The following SERPING1 variants were observed in gnomAD, a reference collection of about 807,000 sequenced individuals.
The protein encoded by SERPING1 is plasma protease C1 inhibitor.
Under a neutral mutation model 34.1 loss-of-function variants are expected in SERPING1, and 5 were observed. The ratio of observed to expected loss-of-function variants is 0.15; its 90% CI spans 0.08 to 0.31. The LOEUF (loss-of-function observed/expected upper bound fraction) is 0.31. Ranked by LOEUF, SERPING1 falls within the 10% of genes least tolerant of loss-of-function variation. The pLI is 1.00. For synonymous variants in SERPING1, 225 were observed against 242.4 expected (o/e 0.93, Z 0.67); for missense variants, 505 against 609.5 (o/e 0.83, Z 1.81).
chr11:57,608,432 CAATAATA>C (rs1311543577), intron 6 of SERPING1, among the ~76,000 whole-genome samples: 1 of 152,076 alleles, frequency 6.6e-6, no homozygotes, highest in Non-Finnish European at 1.5e-5. Flanking sequence ...CATATAATAT[CAATAATA>C]AATATTCAAA....
chr11:57,611,977 G>A (rs1945482589), intron 7 of SERPING1, 41 bp downstream of exon 7: 1 of 1,466,052 alleles, frequency 6.8e-7, no homozygotes, highest in Non-Finnish European at 9.6e-7. Flanking sequence ...GGCCATCAGA[G>A]GAGAAAGGGG....
Position 57,611,936 on chromosome 11 carries a change from G to C in SERPING1, c.1249G>C (p.Glu417Gln), listed in dbSNP as rs755108467. 5 of 1,612,996 alleles carry C rather than the reference G, an allele frequency of 3.1e-6. No homozygotes were observed. The African/African-American group carries it at 6.7e-5, about 22-fold the overall frequency. ...QDMLSIMEKL[E>Q]FFDFSYDLNL... ...TATGCTCTCAATCATGGAGAAATTG[G>C]GTGAGCTCTGGCAGCTTAGGGTTAC... The change falls in exon 7 of 8, where the codon GAA becomes CAA. Residue 417 changes from glutamate (E) to glutamine (Q), a missense_variant and splice_region_variant. Physicochemically the swap from Glu to Gln is conservative, Grantham distance 29. Transcript: ENST00000278407.
Position 57,605,990 on chromosome 11 carries a change from C to CT in SERPING1, c.686-17dup. On this transcript the variant is annotated intron_variant, in intron 4 of 7. Coordinates refer to ENST00000278407, the MANE Select transcript of SERPING1 (RefSeq NM_000062.3). Reference sequence around the variant, plus strand: ...CGACGTGTTCAGGACTCATGCCTCCCTTTCTCAACATACCCCCAGACCTGG... The same window carrying CT: ...CGACGTGTTCAGGACTCATGCCTCCCTTTTCTCAACATACCCCCAGACCTGG... The CT allele has an allele frequency of 6.2e-7, 1 of 1,611,650 alleles. No homozygotes were observed. The highest frequency in any genetic ancestry group is 8.5e-7 in the Non-Finnish European group (1 of 1,178,076).
intron 1 of SERPING1, chr11:57,598,040 A>G: frequency 1.8e-6 from 1 of 557,854 alleles, no homozygotes; most frequent in Non-Finnish European, 3.3e-6. Context: ...CGGGGAGAGG[A>G]AGGGCCAGCC....
intron 6 of SERPING1, among the ~76,000 whole-genome samples, chr11:57,608,806 C>A (rs1273185787): frequency 1.3e-5 from 2 of 150,092 alleles, no homozygotes; most frequent in African/African-American, 4.9e-5. Flanking sequence ...AGCCACTGCA[C>A]CCAGCCTGAG....
At chr11:57,605,439 C>G (rs1310494416) in intron 4 of SERPING1, among the ~76,000 whole-genome samples, 1 of 152,082 alleles carries the variant, frequency 6.6e-6, no homozygotes, top group African/African-American at 2.4e-5. Context: ...GCTGGGATTA[C>G]AGGCTGGTCT....
intron 4 of SERPING1, among the ~76,000 whole-genome samples, chr11:57,605,232 C>T (rs138223025): frequency 2.6e-5 from 4 of 152,214 alleles, no homozygotes; most frequent in South Asian, 2.1e-4. Context: ...TAGCTGCACA[C>T]TGGAGCTGTG....
intron 2 of SERPING1, 102 bp from the exon 3 acceptor site, chr11:57,599,777 A>T: frequency 1.3e-6 from 2 of 1,527,084 alleles, no homozygotes; most frequent in Non-Finnish European, 1.8e-6. Flanking sequence ...TCTCTTGTAC[A>T]GGACATTTTC....
At chr11:57,601,596 T>A (rs1223755039) in intron 3 of SERPING1, among the ~76,000 whole-genome samples, 1 of 151,876 alleles carries the variant, frequency 6.6e-6, no homozygotes, top group Non-Finnish European at 1.5e-5. Flanking sequence ...ACAGAATCTT[T>A]CTTGGCTGGG....
chr11:57,601,441 G>A (rs1043771907), intron 3 of SERPING1, among the ~76,000 whole-genome samples: 3 of 151,682 alleles, frequency 2.0e-5, no homozygotes, highest in Non-Finnish European at 4.4e-5. Context: ...GACTTAGTGG[G>A]AGGTCAAAAA....
At chr11:57,603,266 AGGCGC>A (rs981192645) in intron 4 of SERPING1, among the ~76,000 whole-genome samples, 17 of 150,902 alleles carry the variant, frequency 1.1e-4, no homozygotes, top group Middle Eastern at 6.8e-3. Context: ...AAAAAAGGCC[AGGCGC>A]GGTGACTCAC....
At chr11:57,609,529 G>A (rs1311489577) in intron 6 of SERPING1, among the ~76,000 whole-genome samples, 3 of 151,898 alleles carry the variant, frequency 2.0e-5, no homozygotes, top group Non-Finnish European at 2.9e-5. Context: ...GCAGTGAGCC[G>A]AGATCATGCC....
chr11:57,609,403 A>G (rs1446882639), intron 6 of SERPING1, among the ~76,000 whole-genome samples: 4 of 152,056 alleles, frequency 2.6e-5, no homozygotes, highest in Non-Finnish European at 5.9e-5. Flanking sequence ...ACATTGTGAA[A>G]CCCCATCTCC....
rs1945519480 is a variant in SERPING1 at position 57,614,641 on chromosome 11, C to G, written c.*60C>G. ...CTCCAGCCTCAGCTCTCAGTTGCAGCCCTGCTGCTGCCTGCCTGGACTTGG... is the reference window on the plus strand; with the variant it reads ...CTCCAGCCTCAGCTCTCAGTTGCAGGCCTGCTGCTGCCTGCCTGGACTTGG... On this transcript the variant is annotated 3_prime_UTR_variant, in exon 8 of 8. Transcript: ENST00000278407. The G allele has an allele frequency of 2.5e-6, 4 of 1,582,342 alleles. No individual in the cohort carries two copies. Among genetic ancestry groups the G allele is most frequent in the Non-Finnish European group, 3.4e-6 (4 of 1,168,352 alleles).
intron 6 of SERPING1, chr11:57,606,815 A>C: frequency 1.5e-6 from 1 of 658,698 alleles, no homozygotes; most frequent in Non-Finnish European, 2.8e-6. Flanking sequence ...TCGTGTTCCT[A>C]TTCTACACAT....
chr11:57,613,183 CA>C (rs1945500386), intron 7 of SERPING1, among the ~76,000 whole-genome samples: 2 of 152,152 alleles, frequency 1.3e-5, no homozygotes, highest in African/African-American at 4.8e-5. Context: ...TATTTTCATT[CA>C]ACACTTCTGG....
At chr11:57,609,474 T>G (rs2508442) in intron 6 of SERPING1, among the ~76,000 whole-genome samples, 91,196 of 151,594 alleles carry the variant, frequency 0.6, 28,238 homozygotes, top group Non-Finnish European at 0.69. Flanking sequence ...CAGATACTTG[T>G]GAGGCTGGGA....
chr11:57,599,770 C>G, intron 2 of SERPING1, 109 bp from the exon 3 acceptor site: 2 of 1,500,772 alleles, frequency 1.3e-6, no homozygotes, highest in South Asian at 1.1e-5. Context: ...AAATTACTCT[C>G]TTGTACAGGA....
chr11:57,610,616 A>G (rs1945467116), intron 6 of SERPING1, among the ~76,000 whole-genome samples: 1 of 152,208 alleles, frequency 6.6e-6, no homozygotes, highest in East Asian at 1.9e-4. Flanking sequence ...CAATCATAAT[A>G]CCATTTAATG....
Sources: gnomAD v4.1 joint callset for allele counts (sites outside exome capture counted in the v4.1 genomes callset) on GRCh38, gnomAD v4.1.1 for gene constraint, MANE v1.5 for transcripts, NCBI Gene and HGNC (gene_info 2026-07-23, HGNC 2026-07-21) for gene names.